MTX3: variants seen among roughly 807,000 people sequenced by gnomAD.
MTX3 encodes the protein metaxin 3.
MTX3 carries 27 observed loss-of-function variants against 42.5 expected under a neutral mutation model. That is an observed-to-expected ratio of 0.64 (90% CI 0.47 to 0.88). The LOEUF (loss-of-function observed/expected upper bound fraction) is 0.88. Among genes scored for constraint, MTX3 ranks in the 40% least tolerant of loss-of-function variants. The pLI, the probability that MTX3 is intolerant of heterozygous loss-of-function variation, is 0.00. For synonymous variants in MTX3, 144 were observed against 132.9 expected, an observed-to-expected ratio of 1.08 and a Z score of -0.57; for missense variants, 378 against 367.0, an observed-to-expected ratio of 1.03 and a Z score of -0.25.
intron 1 of MTX3, chr5:79,990,890 G>T (rs1168914946): frequency 1.4e-6 from 1 of 708,106 alleles, no homozygotes; most frequent in African/African-American, 1.7e-5. Context: ...CGCGCCCCTT[G>T]CTTCGGGGTT....
Position 79,990,159 on chromosome 5 carries a change from C to A in MTX3, c.228+1G>T. The A allele has an allele frequency of 1.2e-6, 2 of 1,600,838 alleles. No homozygotes were observed. Among genetic ancestry groups the A allele is most frequent in the Non-Finnish European group, 1.7e-6 (2 of 1,171,212 alleles). On this transcript the variant is annotated splice_donor_variant, in intron 3 of 8. Transcript: ENST00000512528. LOFTEE classifies it high-confidence loss of function. ...CTACTTCTTCAAAGTGAACCACCCA[C>A]CTGTTTTCTTAAAAAGTTTAGTATT...
rs1831657287 is a variant in MTX3, at chr5:79,991,196, C to T, written c.43G>A (p.Gly15Arg). 2 of 1,488,584 alleles carry T rather than the reference C, an allele frequency of 1.3e-6. No homozygotes were observed. The highest frequency in any genetic ancestry group is 2.3e-5 in the Admixed American group (1 of 42,672). 92.2% of individuals were successfully genotyped at this position (1,488,584 alleles called of 1,614,324 possible). A position where few individuals can be genotyped will look rare whatever the true frequency, so the allele number is the denominator to read the frequency against. Residue 15 changes from glycine to arginine, a missense_variant, in exon 1 of 9, where the codon GGA becomes AGA. Coordinates refer to ENST00000512528, the MANE Select transcript of MTX3 (RefSeq NM_001363818.2). ...GACTCGCTGTGAACCGATGGGAGTC[C>T]CCAGCCGCCTCCCCAGCAACTGAGT... ...LELSCWGGGW[G>R]LPSVHSESLV...
chr5:79,984,427 G>C (rs573225465), intron 8 of MTX3, among the ~76,000 whole-genome samples: 1 of 152,254 alleles, frequency 6.6e-6, no homozygotes, highest in South Asian at 2.1e-4. Flanking sequence ...AAGGAAGCTA[G>C]TACATTAGGC....
At chr5:79,984,151 G>A (rs1561281515) in intron 8 of MTX3, among the ~76,000 whole-genome samples, 1 of 152,264 alleles carries the variant, frequency 6.6e-6, no homozygotes, top group South Asian at 2.1e-4. Flanking sequence ...CTATGTTCAC[G>A]TACAGTATCT....
rs1423802003 is a variant in MTX3 at position 79,980,988 on chromosome 5, T to G, written c.*2696A>C. ...GAGTTCAAGACCAGCCTGAGCAACA[T>G]GGTGAAACCCCGTCTCGACTAAAAA... On this transcript the variant is annotated 3_prime_UTR_variant, in exon 9 of 9. Transcript: ENST00000512528. 6.6e-6 allele frequency: 1 copy of G among 151,878 alleles called. No individual in the cohort carries two copies. The highest frequency in any genetic ancestry group is 1.5e-5 in the Non-Finnish European group (1 of 68,038). The allele number at this position is 151,878 out of a possible 1,614,324, so 9.4% of individuals were successfully genotyped here. A position where few individuals can be genotyped will look rare whatever the true frequency, so the allele number is the denominator to read the frequency against.
At chr5:79,988,161 A>G in intron 6 of MTX3, 78 bp downstream of exon 6, 1 of 823,524 alleles carries the variant, frequency 1.2e-6, no homozygotes, top group Non-Finnish European at 2.0e-6. Flanking sequence ...TTGGGGAGAT[A>G]AGAGGACTTG....
intron 6 of MTX3, among the ~76,000 whole-genome samples, chr5:79,987,343 G>A (rs181275149): frequency 4.0e-4 from 60 of 150,930 alleles, no homozygotes; most frequent in African/African-American, 1.3e-3. Flanking sequence ...GGGAGGTTGA[G>A]GCAGGAGAAT....
chr5:79,988,538 G>C lies in MTX3; in HGVS notation c.428C>G (p.Ser143Cys). ...GAGAATCCTATTCAGTGCTCCCTTA[G>C]ACATTCTTCCAGGCAGGATCAAACT... ...PLSLILPGRM[S>C]KGALNRILLT... Residue 143 changes from serine (S) to cysteine (C), a missense_variant, in exon 5 of 9, where the codon TCT (serine) becomes TGT (cysteine). Coordinates refer to ENST00000512528, the MANE Select transcript of MTX3 (RefSeq NM_001363818.2). The C allele has an allele frequency of 6.2e-7, 1 of 1,612,578 alleles. No individual in the cohort carries two copies. Among genetic ancestry groups the C allele is most frequent in the Non-Finnish European group, 8.5e-7 (1 of 1,179,430 alleles).
In MTX3 at chr5:79,986,974, T is replaced by G; in HGVS notation, c.715A>C (p.Ser239Arg). The G allele has an allele frequency of 6.2e-7, 1 of 1,613,854 alleles. No homozygotes were observed. ...CCTCCAAGACTAAGCCTAAAATAAC[T>G]GCTCAGGATGTCATCACAAAAGCGA... The part of the protein sequence containing the change: ...LCRFCDDILS[S>R]YFRLSLGGIS... Residue 239 changes from serine (S) to arginine (R), a missense_variant, in exon 7 of 9, where the codon AGT becomes CGT. Coordinates refer to ENST00000512528, the MANE Select transcript of MTX3 (RefSeq NM_001363818.2).
rs759357655 is a variant in MTX3, at chr5:79,987,119, T to C, written c.582-12A>G. ...CCAAGGTAGAAGGCCTAGAAATAAA[T>C]TAAGGATTTTTAAAGCACATAAGAC... On this transcript the variant is annotated splice_polypyrimidine_tract_variant and intron_variant, in intron 6 of 8. Coordinates refer to ENST00000512528, the MANE Select transcript of MTX3 (RefSeq NM_001363818.2). 2.5e-6 allele frequency: 4 copies of C among 1,611,996 alleles called. No individual in the cohort carries two copies. Among genetic ancestry groups the C allele is most frequent in the East Asian group, 2.2e-5 (1 of 44,838 alleles).
Position 79,988,470 on chromosome 5 carries a change from C to T in MTX3, c.496G>A (p.Glu166Lys), listed in dbSNP as rs374174580. The T allele has an allele frequency of 1.2e-6, 2 of 1,608,902 alleles. No homozygotes were observed. The highest frequency in any genetic ancestry group is 1.7e-4 in the Middle Eastern group (1 of 6,008). Reference protein sequence around the residue: ...QPPLYHLREVEAQIYRDAKEC... With the variant: ...QPPLYHLREVKAQIYRDAKEC... ...AATAATCCATACTATACCTGTGCTTCCACTTCTCGGAGGTGGTAGAGGGGA... is the reference window on the plus strand; with the variant it reads ...AATAATCCATACTATACCTGTGCTTTCACTTCTCGGAGGTGGTAGAGGGGA... The change falls in exon 5 of 9, where the codon GAA becomes AAA. Residue 166 changes from glutamate to lysine, a missense_variant. Glu to Lys is a moderately conservative substitution (Grantham distance 56). Coordinates refer to ENST00000512528, the MANE Select transcript of MTX3 (RefSeq NM_001363818.2).
At chr5:79,987,145 A>G in intron 6 of MTX3, 38 bp from the exon 7 acceptor site, 2 of 1,595,470 alleles carry the variant, frequency 1.3e-6, no homozygotes, top group African/African-American at 1.3e-5. Flanking sequence ...CACATAAGAC[A>G]ATATTAACTG....
intron 5 of MTX3, 42 bp downstream of exon 5, chr5:79,988,418 CTT>C: frequency 6.3e-7 from 1 of 1,582,922 alleles, no homozygotes; most frequent in Non-Finnish European, 8.6e-7. Context: ...TTATCTTGTC[CTT>C]TCTCTCTAGG....
At chr5:79,986,056 C>G (rs1220887855) in intron 7 of MTX3, among the ~76,000 whole-genome samples, 7 of 151,434 alleles carry the variant, frequency 4.6e-5, no homozygotes, top group African/African-American at 1.7e-4. Flanking sequence ...AAGGCAGTAA[C>G]TCCCAAAAAG....
rs1580881337 is a variant in MTX3, at chr5:79,981,203, C to T, written c.*2481G>A. 1 of 152,178 alleles carries T rather than the reference C, an allele frequency of 6.6e-6. No homozygotes were observed. Among genetic ancestry groups the T allele is most frequent in the South Asian group, 2.1e-4 (1 of 4,822 alleles). The allele number at this position is 152,178 out of a possible 1,614,324, so 9.4% of individuals were successfully genotyped here. On this transcript the variant is annotated 3_prime_UTR_variant, in exon 9 of 9. Coordinates refer to ENST00000512528, the MANE Select transcript of MTX3 (RefSeq NM_001363818.2). Reference sequence around the variant, plus strand: ...AAAAAAAAAAGTTCTTTTCTAAGAGCTTCCTGTATGTGTGGCTGCTCCCTA... The same window carrying T: ...AAAAAAAAAAGTTCTTTTCTAAGAGTTTCCTGTATGTGTGGCTGCTCCCTA...
chr5:79,988,666 A>G, intron 4 of MTX3, 22 bp from the exon 5 acceptor site: 1 of 1,527,536 alleles, frequency 6.5e-7, no homozygotes, highest in South Asian at 1.3e-5. Context: ...GAGAAAAAAC[A>G]CTACAAGGAT....
At position 79,986,293 on chromosome 5, in the gene MTX3, C is replaced by A. The variant is rs554293551; in HGVS notation, c.740-634G>T. Among the ~76,000 whole-genome samples, 9 of 152,228 alleles carry A rather than the reference C, an allele frequency of 5.9e-5. No individual in the cohort carries two copies. In the East Asian group the frequency reaches 1.5e-3, roughly 26 times the overall value. ...CTTCCTGTATACAGAATACATAACCCACCAAAAAATAATAAACTGTCCACC... is the reference window on the plus strand; with the variant it reads ...CTTCCTGTATACAGAATACATAACCAACCAAAAAATAATAAACTGTCCACC... On this transcript the variant is annotated intron_variant, in intron 7 of 8. Transcript: ENST00000512528.
At chr5:79,984,623 G>GAAA (rs566204923) in intron 8 of MTX3, among the ~76,000 whole-genome samples, 1 of 137,920 alleles carries the variant, frequency 7.3e-6, no homozygotes, top group Admixed American at 7.2e-5. Flanking sequence ...TTTGTATCAG[G>GAAA]AAAAAAAAAA....
chr5:79,983,352 G>T lies in MTX3; in HGVS notation c.*332C>A. 1 of 252,552 alleles carries T rather than the reference G, an allele frequency of 4.0e-6. No individual in the cohort carries two copies. Among genetic ancestry groups the T allele is most frequent in the South Asian group, 5.9e-5 (1 of 16,888 alleles). 15.6% of individuals were successfully genotyped at this position (252,552 alleles called of 1,614,324 possible). A position where few individuals can be genotyped will look rare whatever the true frequency, so the allele number is the denominator to read the frequency against. On this transcript the variant is annotated 3_prime_UTR_variant, in exon 9 of 9. Coordinates refer to ENST00000512528, the MANE Select transcript of MTX3 (RefSeq NM_001363818.2). ...CAAATAAATTAGGAGTGCACATTCA[G>T]AACAGAATTGTAGCCTTTGGTCAGC...
Sources: gnomAD v4.1 joint callset for allele counts (sites outside exome capture counted in the v4.1 genomes callset) on GRCh38, gnomAD v4.1.1 for gene constraint, MANE v1.5 for transcripts, NCBI Gene and HGNC (gene_info 2026-07-23, HGNC 2026-07-21) for gene names.